NAV1: variants seen among roughly 807,000 people sequenced by gnomAD.
NAV1 encodes neuron navigator 1.
NAV1 carries 18 observed loss-of-function variants against 175.2 expected under a neutral mutation model. That is an observed-to-expected ratio of 0.10 (90% confidence interval 0.07 to 0.15). The LOEUF (loss-of-function observed/expected upper bound fraction) is 0.15, where lower values mean the gene tolerates loss of function less well. Ranked by LOEUF, NAV1 falls within the 10% of genes least tolerant of loss-of-function variation. The pLI is 1.00. For missense variants in NAV1, 1,731 were observed against 2,436.6 expected (o/e 0.71, Z 6.10); for synonymous variants, 897 against 978.7 (o/e 0.92, Z 1.56).
intron 2 of NAV1, among the ~76,000 whole-genome samples, chr1:201,593,841 C>G (rs1016069828): frequency 6.6e-6 from 1 of 152,156 alleles, no homozygotes; most frequent in African/African-American, 2.4e-5. Context: ...TGCTTTTGCT[C>G]TAGTTGCAGC....
At chr1:201,599,118 G>T (rs1203379618) in intron 2 of NAV1, among the ~76,000 whole-genome samples, 1 of 152,182 alleles carries the variant, frequency 6.6e-6, no homozygotes, top group Non-Finnish European at 1.5e-5. Flanking sequence ...CCCCACTTGG[G>T]CTTAGCTGGC....
intron 16 of NAV1, 107 bp from the exon 21 acceptor site, chr1:201,804,382 C>A: frequency 8.4e-7 from 1 of 1,188,092 alleles, no homozygotes; most frequent in Non-Finnish European, 1.2e-6. Context: ...ACCCCCAGAC[C>A]TTTGTATAAT....
At chr1:201,805,683 G>T (rs1425007434) in intron 17 of NAV1, among the ~76,000 whole-genome samples, 3 of 152,290 alleles carry the variant, frequency 2.0e-5, no homozygotes, top group East Asian at 3.9e-4. Flanking sequence ...AGAACTTTGG[G>T]AGGCTGAGGT....
chr1:201,648,674 G>T, exon 1 of NAV1: 1 of 1,414,516 alleles, frequency 7.1e-7, no homozygotes. Context: ...GCAGAATGCT[G>T]GGCAGCAGCG....
At chr1:201,798,692 T>C (rs1415261631) in intron 15 of NAV1, 1 of 116,116 alleles carries the variant, frequency 8.6e-6, no homozygotes, top group East Asian at 2.5e-4. Flanking sequence ...TCATTTTCTC[T>C]CTCTTTTTTT....
In NAV1 at chr1:201,671,007, G is replaced by A. The variant is rs1670024594; in HGVS notation, c.757+21582G>A. On this transcript the variant is annotated intron_variant, in intron 1 of 29. Coordinates refer to ENST00000367296, the Ensembl canonical transcript of NAV1. ...CAGTCATCCTATCTGCAACTTCAGA[G>A]GCAAGGTTAGTAAAGGACACTCACT... Among the ~76,000 whole-genome samples, 8 of 152,318 alleles carry A rather than the reference G, an allele frequency of 5.3e-5. No individual in the cohort carries two copies. In the South Asian group the frequency reaches 1.7e-3, roughly 32 times the overall value.
chr1:201,754,121 A>G (rs1674306143), intron 3 of NAV1, among the ~76,000 whole-genome samples: 1 of 152,180 alleles, frequency 6.6e-6, no homozygotes, highest in Non-Finnish European at 1.5e-5. Context: ...AAAATATTTT[A>G]ATATAACCCC....
chr1:201,700,777 C>T (rs1392313599), intron 1 of NAV1, among the ~76,000 whole-genome samples: 5 of 151,882 alleles, frequency 3.3e-5, no homozygotes, highest in East Asian at 1.9e-4. Flanking sequence ...TTTGGGAGGC[C>T]GAGGCGGGTG....
intron 3 of NAV1, among the ~76,000 whole-genome samples, chr1:201,755,269 C>A (rs964925505): frequency 6.6e-6 from 1 of 152,022 alleles, no homozygotes; most frequent in Non-Finnish European, 1.5e-5. Flanking sequence ...ATTGAGGCCC[C>A]CCCTCTACAA....
chr1:201,558,510 T>C (rs1354612115), intron 1 of NAV1, among the ~76,000 whole-genome samples: 2 of 152,202 alleles, frequency 1.3e-5, no homozygotes, highest in African/African-American at 4.8e-5. Context: ...TGGAGTGCAG[T>C]GGCACAATCT....
intron 1 of NAV1, among the ~76,000 whole-genome samples, chr1:201,553,692 C>G (rs1184196419): frequency 6.6e-6 from 1 of 152,204 alleles, no homozygotes; most frequent in Non-Finnish European, 1.5e-5. Flanking sequence ...CCCACTGTCT[C>G]CGTGTTCTGA....
exon 1 of NAV1, chr1:201,623,278 A>G (rs1197184930): frequency 8.1e-6 from 8 of 985,878 alleles, no homozygotes; most frequent in Middle Eastern, 5.2e-4. Context: ...AAAGAAGAAA[A>G]AAGCCCAGGA....
At chr1:201,755,597 A>G (rs1674405803) in intron 3 of NAV1, among the ~76,000 whole-genome samples, 1 of 152,246 alleles carries the variant, frequency 6.6e-6, no homozygotes, top group African/African-American at 2.4e-5. Flanking sequence ...TTCCATGACC[A>G]GATATAGGCT....
intron 3 of NAV1, among the ~76,000 whole-genome samples, chr1:201,769,501 T>C (rs1310107696): frequency 6.6e-6 from 1 of 152,238 alleles, no homozygotes; most frequent in Non-Finnish European, 1.5e-5. Context: ...GCATACCTAG[T>C]TGGTATAGTG....
At chr1:201,548,994 A>G (rs978070999) in intron 1 of NAV1, among the ~76,000 whole-genome samples, 2 of 152,234 alleles carry the variant, frequency 1.3e-5, no homozygotes, top group African/African-American at 4.8e-5. Flanking sequence ...GCTTGTTATT[A>G]TAAGGTCTTC....
intron 1 of NAV1, among the ~76,000 whole-genome samples, chr1:201,661,834 T>C (rs927996385): frequency 6.6e-6 from 1 of 152,230 alleles, no homozygotes; most frequent in Non-Finnish European, 1.5e-5. Flanking sequence ...GCGGAGAAGT[T>C]AGCTTCTTCA....
exon 22 of NAV1, chr1:201,809,501 G>T: frequency 6.2e-7 from 1 of 1,614,110 alleles, no homozygotes; most frequent in Non-Finnish European, 8.5e-7. Context: ...AAGTTGACTG[G>T]AAGATGCTGG....
chr1:201,777,406 T>C (rs1676026145), intron 3 of NAV1, among the ~76,000 whole-genome samples: 1 of 152,050 alleles, frequency 6.6e-6, no homozygotes, highest in South Asian at 2.1e-4. Flanking sequence ...AAGGAGCACT[T>C]TTCCTTTTTC....
In NAV1 at chr1:201,786,377, C is replaced by G. The variant is rs1040336537; in HGVS notation, c.2847-52C>G. On this transcript the variant is annotated intron_variant, in intron 8 of 29. Transcript: ENST00000367296. Reference sequence around the variant, plus strand: ...CAGACACCCTCCGCACCAACTAAACCTCTGACCGCACTTGCTAGTCCCAGA... The same window carrying G: ...CAGACACCCTCCGCACCAACTAAACGTCTGACCGCACTTGCTAGTCCCAGA... 549 of 1,572,262 alleles carry G rather than the reference C, an allele frequency of 3.5e-4. 6 individuals are homozygous for G. In the Admixed American group the frequency reaches 9.4e-3, roughly 27 times the overall value.
Sources: gnomAD v4.1 joint callset for allele counts (sites outside exome capture counted in the v4.1 genomes callset) on GRCh38, gnomAD v4.1.1 for gene constraint, MANE v1.5 for transcripts, NCBI Gene and HGNC (gene_info 2026-07-23, HGNC 2026-07-21) for gene names.